ADAMTSL1: variants seen among roughly 807,000 people sequenced by gnomAD.
The protein encoded by ADAMTSL1 is ADAMTS like 1.
A neutral mutation model predicts 201.8 loss-of-function variants in ADAMTSL1; 126 were observed. The observed-to-expected ratio is 0.62, with a 90% CI of 0.54 to 0.72. ADAMTSL1 has a LOEUF of 0.72. Ranked by LOEUF, ADAMTSL1 falls within the 30% of genes least tolerant of loss-of-function variation. ADAMTSL1 has a pLI of 0.00. For synonymous variants in ADAMTSL1, 1,121 were observed against 903.4 expected (o/e 1.24, Z -4.32); for missense variants, 2,679 against 2,277.8 (o/e 1.18, Z -3.59).
chr9:18,857,833 C>T (rs895955232), intron 23 of ADAMTSL1, among the ~76,000 whole-genome samples: 4 of 152,060 alleles, frequency 2.6e-5, no homozygotes, highest in Non-Finnish European at 5.9e-5. Flanking sequence ...TAAAACATTC[C>T]CCAGATGCAG....
At chr9:18,200,185 G>A (rs1204640289) in intron 2 of ADAMTSL1, among the ~76,000 whole-genome samples, 12 of 151,914 alleles carry the variant, frequency 7.9e-5, no homozygotes, top group African/African-American at 2.9e-4. Flanking sequence ...TGTAATCCCA[G>A]CATTTCGGGA....
At chr9:18,112,434 G>C (rs971513183) in intron 1 of ADAMTSL1, among the ~76,000 whole-genome samples, 2 of 151,846 alleles carry the variant, frequency 1.3e-5, no homozygotes, top group East Asian at 3.9e-4. Context: ...GAGGGGCTGA[G>C]ACTCAGTTGC....
chr9:18,096,936 G>A (rs1250458212), intron 1 of ADAMTSL1, among the ~76,000 whole-genome samples: 2 of 151,896 alleles, frequency 1.3e-5, no homozygotes, highest in African/African-American at 4.8e-5. Flanking sequence ...CAACTTTGTT[G>A]AGGTACAATG....
rs1836048216 is a variant in ADAMTSL1 at position 18,353,085 on chromosome 9, T to C, written c.208-151744T>C. Among the ~76,000 whole-genome samples the C allele has an allele frequency of 2.6e-5, 4 of 152,330 alleles. 1 individual carries two copies. The South Asian group carries it at 6.2e-4, about 24-fold the overall frequency. Reference sequence around the variant, plus strand: ...TCCCCCATTCTGGGTTCCTCTGTTATAGTGATTACTATGCATGGCTGTGCT... The same window carrying C: ...TCCCCCATTCTGGGTTCCTCTGTTACAGTGATTACTATGCATGGCTGTGCT... On this transcript the variant is annotated intron_variant, in intron 2 of 29. Transcript: ENST00000680146.
intron 1 of ADAMTSL1, among the ~76,000 whole-genome samples, chr9:18,064,695 A>C (rs534901616): frequency 2.0e-5 from 3 of 152,162 alleles, no homozygotes; most frequent in Non-Finnish European, 4.4e-5. Flanking sequence ...TATGATTAAT[A>C]ACTGGATTTC....
intron 1 of ADAMTSL1, among the ~76,000 whole-genome samples, chr9:17,985,418 A>G (rs1818884540): frequency 6.6e-6 from 1 of 152,142 alleles, no homozygotes; most frequent in Non-Finnish European, 1.5e-5. Context: ...TTCTCTTCTA[A>G]CACATAAAAT....
chr9:18,778,246 T>A (rs958683827), intron 19 of ADAMTSL1, among the ~76,000 whole-genome samples: 1 of 152,228 alleles, frequency 6.6e-6, no homozygotes, highest in Non-Finnish European at 1.5e-5. Flanking sequence ...CAAGGCATTA[T>A]TATGTTACTA....
At chr9:18,290,846 A>T (rs1276953965) in intron 2 of ADAMTSL1, among the ~76,000 whole-genome samples, 2 of 145,252 alleles carry the variant, frequency 1.4e-5, no homozygotes, top group Non-Finnish European at 3.0e-5. Flanking sequence ...CAGTGGCGCC[A>T]TCTTGGCTCA....
chr9:18,862,457 G>T (rs537159124), intron 23 of ADAMTSL1, among the ~76,000 whole-genome samples: 1 of 152,160 alleles, frequency 6.6e-6, no homozygotes, highest in Non-Finnish European at 1.5e-5. Flanking sequence ...CATAGAGTCC[G>T]CAGGTTTTCC....
At chr9:18,791,338 C>G (rs1822033675) in intron 19 of ADAMTSL1, among the ~76,000 whole-genome samples, 2 of 152,134 alleles carry the variant, frequency 1.3e-5, no homozygotes, top group African/African-American at 4.8e-5. Flanking sequence ...TGTATAATAA[C>G]AGGAGTCAAA....
In ADAMTSL1 at chr9:18,095,415, T is replaced by TC. The variant is rs1563997344; in HGVS notation, c.88-68446dup. Among the ~76,000 whole-genome samples the TC allele has an allele frequency of 6.6e-4, 89 of 135,108 alleles. 1 individual carries two copies. The highest frequency in any genetic ancestry group is 1.1e-3 in the Non-Finnish European group (69 of 63,284). The allele number at this position is 135,108 out of a possible 152,430, so 88.6% of individuals were successfully genotyped here. A position where few individuals can be genotyped will look rare whatever the true frequency, so the allele number is the denominator to read the frequency against. On this transcript the variant is annotated intron_variant, in intron 1 of 29. Transcript: ENST00000680146. Reference sequence around the variant, plus strand: ...ATCCCTGATAAGTTTCTTCTTTCTTTCTTTTTTTTTTTTTTTTTTTTTTTT... The same window carrying TC: ...ATCCCTGATAAGTTTCTTCTTTCTTTCCTTTTTTTTTTTTTTTTTTTTTTTT...
At chr9:18,146,474 T>G (rs1431897436) in intron 1 of ADAMTSL1, among the ~76,000 whole-genome samples, 1 of 152,170 alleles carries the variant, frequency 6.6e-6, no homozygotes, top group Non-Finnish European at 1.5e-5. Context: ...CTGAAAAAGC[T>G]ACATAGTATA....
At chr9:17,931,602 G>T (rs1826792437) in intron 1 of ADAMTSL1, among the ~76,000 whole-genome samples, 1 of 152,144 alleles carries the variant, frequency 6.6e-6, no homozygotes, top group Non-Finnish European at 1.5e-5. Flanking sequence ...GCCTCTTTCA[G>T]CTGTCTTTTT....
At chr9:18,860,698 T>G (rs1827159575) in intron 23 of ADAMTSL1, among the ~76,000 whole-genome samples, 1 of 152,148 alleles carries the variant, frequency 6.6e-6, no homozygotes, top group Non-Finnish European at 1.5e-5. Flanking sequence ...AAATAAATTT[T>G]AAGGGGAAAA....
chr9:18,682,801 C>G (rs565808880), intron 12 of ADAMTSL1, among the ~76,000 whole-genome samples: 1 of 152,102 alleles, frequency 6.6e-6, no homozygotes, highest in East Asian at 1.9e-4. Flanking sequence ...CTAATTGCAA[C>G]TGAATGGCAT....
In ADAMTSL1 at chr9:18,464,894, A is replaced by T. The variant is rs1156782219; in HGVS notation, c.208-39935A>T. ...CTGAGAAAAGATTTAGCCATTGAGC[A>T]TAGATTTTTCTTCTGAGCTTCCTAG... On this transcript the variant is annotated intron_variant, in intron 2 of 29. Coordinates refer to the ADAMTSL1 transcript ENST00000680146. Among the ~76,000 whole-genome samples the T allele has an allele frequency of 5.3e-5, 8 of 152,366 alleles. No homozygotes were observed. In the East Asian group the frequency reaches 1.3e-3, roughly 26 times the overall value.
chr9:18,118,366 G>C (rs925262381), intron 1 of ADAMTSL1, among the ~76,000 whole-genome samples: 4 of 152,178 alleles, frequency 2.6e-5, no homozygotes, highest in African/African-American at 9.6e-5. Flanking sequence ...GCAATAAACA[G>C]TCCTTGAAGC....
Position 17,979,066 on chromosome 9 carries a change from C to T in ADAMTSL1, c.87+72144C>T, listed in dbSNP as rs1447578431. ...GATGGTCTTATTGGTGGTGTCTATG[C>T]GTGTGACAATCTCTTTTTTCTTGCT... On this transcript the variant is annotated intron_variant, in intron 1 of 29. Coordinates refer to the ADAMTSL1 transcript ENST00000680146. Among the ~76,000 whole-genome samples, 5 of 151,746 alleles carry T rather than the reference C, an allele frequency of 3.3e-5. No homozygotes were observed. In the East Asian group the frequency reaches 5.8e-4, roughly 18 times the overall value.
At chr9:18,172,968 G>A (rs371264666) in intron 2 of ADAMTSL1, among the ~76,000 whole-genome samples, 7 of 152,058 alleles carry the variant, frequency 4.6e-5, no homozygotes, top group African/African-American at 7.2e-5. Flanking sequence ...TGGGATGTTC[G>A]CTAACCTCTT....
Sources: gnomAD v4.1 joint callset for allele counts (sites outside exome capture counted in the v4.1 genomes callset) on GRCh38, gnomAD v4.1.1 for gene constraint, MANE v1.5 for transcripts, NCBI Gene and HGNC (gene_info 2026-07-23, HGNC 2026-07-21) for gene names.